MYCBP2: variants seen among roughly 807,000 people sequenced by gnomAD.
The protein encoded by MYCBP2 is MYC binding protein 2.
Under a neutral mutation model 525.3 loss-of-function variants are expected in MYCBP2, and 120 were observed. The observed-to-expected ratio is 0.23, with a 90% confidence interval of 0.20 to 0.27. MYCBP2 has a LOEUF of 0.27. Ranked by LOEUF, MYCBP2 falls within the 10% of genes least tolerant of loss-of-function variation. The pLI is 1.00. For synonymous variants in MYCBP2, 1,894 were observed against 1,955.8 expected, an observed-to-expected ratio of 0.97 and a Z score of 0.83; for missense variants, 4,149 against 5,657.1, an observed-to-expected ratio of 0.73 and a Z score of 8.55.
chr13:77,276,157 C>T (rs764662074), intron 4 of MYCBP2, among the ~76,000 whole-genome samples: 32 of 151,988 alleles, frequency 2.1e-4, no homozygotes, highest in Non-Finnish European at 4.3e-4. Context: ...AGTGAGTACT[C>T]GAGAATATAA....
In MYCBP2 at chr13:77,210,804, T is replaced by A. The variant is rs548968041; in HGVS notation, c.3416+363A>T. Reference sequence around the variant, plus strand: ...ACAACAGAACTCTCAACAGTAAAATTAATAATTATAATGATAATAGCAAAC... The same window carrying A: ...ACAACAGAACTCTCAACAGTAAAATAAATAATTATAATGATAATAGCAAAC... On this transcript the variant is annotated intron_variant, in intron 23 of 82. Coordinates refer to ENST00000544440, the MANE Select transcript of MYCBP2 (RefSeq NM_015057.5). Among the ~76,000 whole-genome samples the A allele has an allele frequency of 2.8e-4, 43 of 152,212 alleles. No individual in the cohort carries two copies. In the South Asian group the frequency reaches 4.8e-3, roughly 17 times the overall value.
intron 15 of MYCBP2, among the ~76,000 whole-genome samples, chr13:77,248,419 A>G (rs1488718145): frequency 6.6e-6 from 1 of 152,184 alleles, no homozygotes; most frequent in African/African-American, 2.4e-5. Flanking sequence ...CTCATCAACA[A>G]CAACAAAAGA....
chr13:77,234,982 G>C (rs973576497), intron 17 of MYCBP2, among the ~76,000 whole-genome samples: 1 of 151,898 alleles, frequency 6.6e-6, no homozygotes, highest in Non-Finnish European at 1.5e-5. Flanking sequence ...AATCAAGAAG[G>C]CACGGGGGCA....
At position 77,096,295 on chromosome 13, in the gene MYCBP2, C is replaced by T. The variant is rs2046250456; in HGVS notation, c.9954+17G>A. The T allele has an allele frequency of 6.8e-6, 11 of 1,611,158 alleles. No individual in the cohort carries two copies. The highest frequency in any genetic ancestry group is 5.4e-5 in the African/African-American group (4 of 74,754). Reference sequence around the variant, plus strand: ...ATCCATATCATTAAAAGTATAGCTCCAAATGGAATAAAATACCTTCTCCCT... The same window carrying T: ...ATCCATATCATTAAAAGTATAGCTCTAAATGGAATAAAATACCTTCTCCCT... On this transcript the variant is annotated intron_variant, in intron 57 of 82. Coordinates refer to ENST00000544440, the MANE Select transcript of MYCBP2 (RefSeq NM_015057.5).
chr13:77,183,341 T>A (rs2060394511), intron 32 of MYCBP2, among the ~76,000 whole-genome samples: 1 of 152,170 alleles, frequency 6.6e-6, no homozygotes, highest in South Asian at 2.1e-4. Flanking sequence ...ACAGAATTCA[T>A]AAATGACAAT....
At chr13:77,061,575 T>A (rs984957147) in intron 75 of MYCBP2, 87 bp downstream of exon 75, 1 of 1,462,152 alleles carries the variant, frequency 6.8e-7, no homozygotes, top group African/African-American at 1.4e-5. Flanking sequence ...AAGTCCACTT[T>A]TTCCCCCTAC....
At chr13:77,184,236 C>T (rs1011862518) in intron 32 of MYCBP2, among the ~76,000 whole-genome samples, 4 of 152,186 alleles carry the variant, frequency 2.6e-5, no homozygotes, top group Non-Finnish European at 5.9e-5. Context: ...ATAACTTCTT[C>T]TTTGATCAAC....
chr13:77,288,366 A>G lies in MYCBP2; in HGVS notation c.389T>C (p.Leu130Ser). 1 of 1,611,114 alleles carries G rather than the reference A, an allele frequency of 6.2e-7. No individual in the cohort carries two copies. The highest frequency in any genetic ancestry group is 2.2e-5 in the East Asian group (1 of 44,850). ...KVKTRSKSEN[L>S]ENTVIIPDIK... The stretch of plus-strand genomic sequence containing the variant: ...ATCTGGTATGATTACTGTATTCTCT[A>G]AGTTTTCAGACTGAAATACAAAACA... The change falls in exon 3 of 83, where the codon TTA (leucine) becomes TCA (serine). Residue 130 changes from leucine to serine, a missense_variant. Leu to Ser is a moderately radical substitution (Grantham distance 145). This residue lies in a region of MYCBP2 where 413 missense variants were observed against 451.2 expected (regional missense o/e 0.92). Transcript: ENST00000544440.
At chr13:77,319,613 G>C (rs567402593) in intron 1 of MYCBP2, among the ~76,000 whole-genome samples, 60 of 152,130 alleles carry the variant, frequency 3.9e-4, no homozygotes, top group Non-Finnish European at 5.7e-4. Context: ...TTTACCAAAA[G>C]CCATCTGATG....
rs1452230963 is a variant in MYCBP2, at chr13:77,096,988, T to C, written c.9784+382A>G. On this transcript the variant is annotated intron_variant, in intron 56 of 82. Coordinates refer to ENST00000544440, the MANE Select transcript of MYCBP2 (RefSeq NM_015057.5). ...TATCACTTCCGTAGGAAAAAGCCTA[T>C]AGAAATCAATCTAATCTAATTTAAT... 1.3e-5 allele frequency among the ~76,000 whole-genome samples: 2 copies of C among 152,136 alleles called. 1 individual carries two copies. The highest frequency in any genetic ancestry group is 4.1e-4 in the South Asian group (2 of 4,830).
intron 1 of MYCBP2, among the ~76,000 whole-genome samples, chr13:77,306,857 T>C (rs911750628): frequency 6.6e-6 from 1 of 152,148 alleles, no homozygotes; most frequent in Non-Finnish European, 1.5e-5. Context: ...GACACCTATA[T>C]AGACTTCAGA....
At chr13:77,205,676 G>T in intron 24 of MYCBP2, 78 bp from the exon 25 acceptor site, 1 of 1,235,290 alleles carries the variant, frequency 8.1e-7, no homozygotes, top group Non-Finnish European at 1.1e-6. Flanking sequence ...AATGCTATAG[G>T]GGATAAATTA....
intron 55 of MYCBP2, chr13:77,118,407 G>C (rs778266798): frequency 1.3e-6 from 1 of 764,482 alleles, no homozygotes; most frequent in Admixed American, 1.7e-5. Context: ...CTAGGGAAGA[G>C]GGAGGTTTTG....
rs777220275 is a variant in MYCBP2 at position 77,076,786 on chromosome 13, A to T, written c.11788T>A (p.Leu3930Met). The change falls in exon 68 of 83, where the codon TTG becomes ATG. Residue 3930 changes from leucine (L) to methionine (M), a missense_variant. Leu to Met is a conservative substitution (Grantham distance 15). Around this residue, in one of 21 missense-constraint regions of MYCBP2, gnomAD observed 509 missense variants for 789.4 expected, o/e 0.64. Transcript: ENST00000544440. The part of the protein sequence containing the change: ...PTPEQEEKAL[L>M]SSPEGEEKVY... ...TTTTCTTCTCCTTCAGGTGATGACA[A>T]TAGTGCTTTTTCCTCTTGTTCTGGT... 2.5e-6 allele frequency: 4 copies of T among 1,612,364 alleles called. No individual in the cohort carries two copies. In the African/African-American group the frequency reaches 5.3e-5, roughly 22 times the overall value.
chr13:77,232,289 A>G (rs1233278701), intron 18 of MYCBP2, among the ~76,000 whole-genome samples: 1 of 152,182 alleles, frequency 6.6e-6, no homozygotes, highest in Non-Finnish European at 1.5e-5. Context: ...AAAACTTCCT[A>G]TTCTATTTTG....
intron 32 of MYCBP2, among the ~76,000 whole-genome samples, chr13:77,183,447 T>G (rs1414117306): frequency 6.6e-6 from 1 of 152,038 alleles, no homozygotes; most frequent in Admixed American, 6.6e-5. Context: ...TGTGTTAGTT[T>G]TGATAAAATT....
rs770888520 is a variant in MYCBP2, at chr13:77,090,243, G to A, written c.10388C>T (p.Thr3463Ile). 1.2e-6 allele frequency: 2 copies of A among 1,611,570 alleles called. No individual in the cohort carries two copies. The highest frequency in any genetic ancestry group is 1.7e-6 in the Non-Finnish European group (2 of 1,178,662). Residue 3463 changes from threonine to isoleucine, a missense_variant, in exon 60 of 83, where the codon ACT (threonine) becomes ATT (isoleucine). This residue lies in a region of MYCBP2 where 509 missense variants were observed against 789.4 expected (regional missense o/e 0.64). Transcript: ENST00000544440. ...MPPSLETSPI[T>I]DTDLAKRTVF... ...AGTTCTCTTTGCAAGATCAGTATCA[G>A]TTATGGGACTGGTTTCTAAACTGTA...
intron 3 of MYCBP2, among the ~76,000 whole-genome samples, chr13:77,285,881 A>C (rs1594656392): frequency 6.6e-6 from 1 of 150,440 alleles, no homozygotes; most frequent in East Asian, 1.9e-4. Flanking sequence ...AAGGAAAGGA[A>C]AGGAAAGGAA....
At chr13:77,054,741 C>T (rs981012577) in intron 80 of MYCBP2, among the ~76,000 whole-genome samples, 1 of 151,964 alleles carries the variant, frequency 6.6e-6, no homozygotes, top group South Asian at 2.1e-4. Flanking sequence ...GCTGGGACTA[C>T]AGGCAGATGC....
Sources: allele counts gnomAD v4.1 joint callset (sites outside exome capture counted in the v4.1 genomes callset), GRCh38; gene constraint gnomAD v4.1.1; regional missense constraint gnomAD v4.1.1; transcripts MANE v1.5; gene names NCBI Gene and HGNC (gene_info 2026-07-23, HGNC 2026-07-21).